Variants in PTPRD observed in about 807,000 individuals in gnomAD.
The protein encoded by PTPRD is receptor-type tyrosine-protein phosphatase delta.
In PTPRD, 34 loss-of-function variants were observed where a neutral mutation model predicts 214.5. The ratio of observed to expected loss-of-function variants is 0.16; its 90% CI spans 0.12 to 0.21. PTPRD has a LOEUF of 0.21. Ranked by LOEUF, PTPRD falls within the 10% of genes least tolerant of loss-of-function variation. The pLI, the probability that PTPRD is intolerant of heterozygous loss-of-function variation, is 1.00. For synonymous variants in PTPRD, 1,128 were observed against 845.7 expected, an observed-to-expected ratio of 1.33 and a Z score of -5.79; for missense variants, 2,545 against 2,398.7, an observed-to-expected ratio of 1.06 and a Z score of -1.27.
chr9:10,382,565 A>G (rs1478003432), intron 2 of PTPRD, among the ~76,000 whole-genome samples: 1 of 151,930 alleles, frequency 6.6e-6, no homozygotes, highest in Non-Finnish European at 1.5e-5. Context: ...TGACAGGTTC[A>G]CTATCATATA....
At chr9:9,593,969 C>G (rs1243357648) in intron 7 of PTPRD, among the ~76,000 whole-genome samples, 1 of 151,986 alleles carries the variant, frequency 6.6e-6, no homozygotes, top group Non-Finnish European at 1.5e-5. Context: ...GATTGGAGCC[C>G]TGGCTATCTA....
intron 5 of PTPRD, among the ~76,000 whole-genome samples, chr9:9,804,224 T>A (rs2099059441): frequency 6.6e-6 from 1 of 152,082 alleles, no homozygotes; most frequent in African/African-American, 2.4e-5. Context: ...TGAAAGAAGC[T>A]TTGATTCTGA....
intron 3 of PTPRD, among the ~76,000 whole-genome samples, chr9:10,178,452 C>G (rs2099262169): frequency 6.6e-6 from 1 of 151,502 alleles, no homozygotes; most frequent in Non-Finnish European, 1.5e-5. Context: ...ATTAGAGGAG[C>G]CAAAATTTGT....
chr9:10,242,367 C>A (rs1394463651), intron 3 of PTPRD, among the ~76,000 whole-genome samples: 2 of 151,908 alleles, frequency 1.3e-5, no homozygotes, highest in East Asian at 3.9e-4. Context: ...CTGCAGTAGG[C>A]CAAAAGAGAG....
At chr9:10,498,166 A>G (rs2042651135) in intron 2 of PTPRD, among the ~76,000 whole-genome samples, 1 of 151,980 alleles carries the variant, frequency 6.6e-6, no homozygotes, top group Non-Finnish European at 1.5e-5. Flanking sequence ...TGTAATGAGT[A>G]GCAAGACATG....
Position 9,779,078 on chromosome 9 carries a change from C to CAAAAAAAAAAAAAAAAAAAAAAAAAAAA in PTPRD, c.-367-12228_-367-12227insTTTTTTTTTTTTTTTTTTTTTTTTTTTT, listed in dbSNP as rs869120926. ...GCCATGTGATCTTTCATAAGACTGA[C>CAAAAAAAAAAAAAAAAAAAAAAAAAAAA]AAAAAAAAAAAAAAAAAAAAAAAAA... On this transcript the variant is annotated intron_variant, in intron 5 of 45. Transcript: ENST00000381196. Among the ~76,000 whole-genome samples, 31 of 45,484 alleles carry CAAAAAAAAAAAAAAAAAAAAAAAAAAAA rather than the reference C, an allele frequency of 6.8e-4. 6 individuals carry two copies. The highest frequency in any genetic ancestry group is 1.5e-3 in the Admixed American group (5 of 3,278). The allele number at this position is 45,484 out of a possible 152,430, so 29.8% of individuals were successfully genotyped here.
chr9:10,454,755 G>A (rs1372673016), intron 2 of PTPRD, among the ~76,000 whole-genome samples: 1 of 151,320 alleles, frequency 6.6e-6, no homozygotes, highest in Non-Finnish European at 1.5e-5. Flanking sequence ...CCATTTACTT[G>A]CTTCCCTGTA....
At chr9:9,901,244 T>C (rs2076329958) in intron 5 of PTPRD, among the ~76,000 whole-genome samples, 1 of 152,176 alleles carries the variant, frequency 6.6e-6, no homozygotes, top group Non-Finnish European at 1.5e-5. Context: ...TACAATATTT[T>C]TAAAGTTCTA....
chr9:9,296,273 A>T (rs1345244523), intron 9 of PTPRD, among the ~76,000 whole-genome samples: 2 of 151,706 alleles, frequency 1.3e-5, no homozygotes, highest in African/African-American at 4.8e-5. Flanking sequence ...TCTCCTTGGG[A>T]CAAATGTTCT....
intron 12 of PTPRD, among the ~76,000 whole-genome samples, chr9:8,733,086 T>G (rs894854052): frequency 1.3e-5 from 2 of 152,184 alleles, no homozygotes; most frequent in African/African-American, 4.8e-5. Context: ...GTAAACAAGG[T>G]AGACCTAATG....
intron 10 of PTPRD, among the ~76,000 whole-genome samples, chr9:9,069,200 T>C (rs1035862343): frequency 3.9e-5 from 6 of 152,196 alleles, no homozygotes; most frequent in African/African-American, 9.7e-5. Flanking sequence ...TATTAAGACA[T>C]TTAAATACCA....
intron 7 of PTPRD, among the ~76,000 whole-genome samples, chr9:9,703,094 T>C (rs1292624231): frequency 6.6e-6 from 1 of 152,128 alleles, no homozygotes; most frequent in Non-Finnish European, 1.5e-5. Flanking sequence ...GATTGGATGG[T>C]GGGGGCAGTT....
chr9:9,346,038 G>A (rs1189120907), intron 9 of PTPRD, among the ~76,000 whole-genome samples: 1 of 152,104 alleles, frequency 6.6e-6, no homozygotes, highest in African/African-American at 2.4e-5. Flanking sequence ...CTCTTTAAGA[G>A]TATAGAATAG....
At chr9:9,227,878 A>G (rs756821440) in intron 9 of PTPRD, among the ~76,000 whole-genome samples, 4 of 152,168 alleles carry the variant, frequency 2.6e-5, no homozygotes, top group Non-Finnish European at 5.9e-5. Flanking sequence ...TGAGGGACCC[A>G]GAGCCAGAAC....
At position 8,907,576 on chromosome 9, in the gene PTPRD, T is replaced by C. The variant is rs59778911; in HGVS notation, c.-104+111121A>G. Among the ~76,000 whole-genome samples the C allele has an allele frequency of 8.7e-3, 1,275 of 146,514 alleles. 23 individuals carry two copies. The highest frequency in any genetic ancestry group is 0.029 in the African/African-American group (1,181 of 40,054). ...TATAAAGAAGAAAAATACACAGCAT[T>C]GAATCAACAAATGGGGAATACAGAT... is the stretch of plus-strand genomic sequence containing the variant. On this transcript the variant is annotated intron_variant, in intron 11 of 45. Transcript: ENST00000381196.
chr9:9,380,066 C>T (rs775969740), intron 9 of PTPRD, among the ~76,000 whole-genome samples: 2 of 151,962 alleles, frequency 1.3e-5, no homozygotes, highest in East Asian at 1.9e-4. Context: ...AAAGGTGTAG[C>T]GAGATAGGGA....
At chr9:8,898,090 C>G (rs1489035827) in intron 11 of PTPRD, among the ~76,000 whole-genome samples, 4 of 152,086 alleles carry the variant, frequency 2.6e-5, no homozygotes, top group Non-Finnish European at 5.9e-5. Flanking sequence ...ACTTCTCTGC[C>G]CTAGACACTC....
At chr9:9,733,900 T>C (rs1376288623) in intron 7 of PTPRD, among the ~76,000 whole-genome samples, 1 of 152,172 alleles carries the variant, frequency 6.6e-6, no homozygotes, top group Non-Finnish European at 1.5e-5. Flanking sequence ...AAAGACTGGG[T>C]GGATTCAAAC....
At position 8,376,675 on chromosome 9, in the gene PTPRD, C is replaced by G; in HGVS notation, c.4438G>C (p.Val1480Leu). 1 of 1,613,104 alleles carries G rather than the reference C, an allele frequency of 6.2e-7. No individual in the cohort carries two copies. Among genetic ancestry groups the G allele is most frequent in the South Asian group, 1.1e-5 (1 of 91,076 alleles). ...PSRGTETHGL[V>L]QVTLLDTVEL... ...ACAGTATCAAGCAGCGTTACTTGAA[C>G]GAGTCCGTGGGTTTCTGTGCCTCTG... Residue 1480 changes from valine to leucine, a missense_variant, in exon 38 of 46, where the codon GTT (valine) becomes CTT (leucine). Coordinates refer to ENST00000381196, the MANE Select transcript of PTPRD (RefSeq NM_002839.4).
Sources: allele counts gnomAD v4.1 joint callset (sites outside exome capture counted in the v4.1 genomes callset), GRCh38; gene constraint gnomAD v4.1.1; transcripts MANE v1.5; gene names NCBI Gene and HGNC (gene_info 2026-07-23, HGNC 2026-07-21).